The following WDR41 variants were observed in gnomAD, a reference collection of about 807,000 sequenced individuals.
WDR41 encodes the protein WD repeat domain 41.
WDR41 carries 63 observed loss-of-function variants against 69.3 expected under a neutral mutation model. The observed-to-expected ratio is 0.91, with a 90% CI of 0.74 to 1.12. The LOEUF (loss-of-function observed/expected upper bound fraction) is 1.12. WDR41 is among the 50% of genes most tolerant of loss of function. The pLI is 0.00. For missense variants in WDR41, 543 were observed against 534.5 expected (o/e 1.02, Z -0.16); for synonymous variants, 185 against 192.1 (o/e 0.96, Z 0.31).
chr5:77,435,058 G>A (rs3797633), intron 12 of WDR41, among the ~76,000 whole-genome samples: 11,696 of 152,084 alleles, frequency 0.077, 819 homozygotes, highest in African/African-American at 0.19. Flanking sequence ...CCAGCGCTCC[G>A]GCCTAGCCAA....
intron 12 of WDR41, 37 bp downstream of exon 12, chr5:77,436,224 G>A (rs1308841003): frequency 1.3e-6 from 2 of 1,590,132 alleles, no homozygotes; most frequent in African/African-American, 1.3e-5. Flanking sequence ...TGCAAAAGCA[G>A]GAGTTGCTTG....
At chr5:77,563,293 T>A (rs948230557) in intron 1 of WDR41, among the ~76,000 whole-genome samples, 1 of 152,112 alleles carries the variant, frequency 6.6e-6, no homozygotes, top group Non-Finnish European at 1.5e-5. Context: ...ACTTTATATA[T>A]AATTTCTGAT....
chr5:77,441,701 G>A (rs1799174729), intron 8 of WDR41, among the ~76,000 whole-genome samples: 1 of 151,806 alleles, frequency 6.6e-6, no homozygotes, highest in Non-Finnish European at 1.5e-5. Flanking sequence ...TCGCGCCACT[G>A]CACTCCAGCC....
At chr5:77,460,021 G>A (rs779703512) in intron 4 of WDR41, among the ~76,000 whole-genome samples, 1 of 151,968 alleles carries the variant, frequency 6.6e-6, no homozygotes, top group Admixed American at 6.6e-5. Context: ...AAAAAAAAAA[G>A]TCATCTGGCA....
intron 2 of WDR41, among the ~76,000 whole-genome samples, chr5:77,488,705 TTATCTGC>T (rs1210914335): frequency 6.6e-6 from 1 of 152,184 alleles, no homozygotes; most frequent in Admixed American, 6.5e-5. Context: ...CATCTATGAA[TTATCTGC>T]TACATGTAAG....
chr5:77,588,825 G>A (rs1198481726), intron 1 of WDR41, among the ~76,000 whole-genome samples: 1 of 152,030 alleles, frequency 6.6e-6, no homozygotes, highest in Non-Finnish European at 1.5e-5. Flanking sequence ...TTGTTGATTC[G>A]TTAACAATAA....
chr5:77,436,606 T>C (rs1581688809), intron 11 of WDR41, among the ~76,000 whole-genome samples: 2 of 152,164 alleles, frequency 1.3e-5, no homozygotes, highest in African/African-American at 4.8e-5. Flanking sequence ...TTATTGCCCC[T>C]AGTCACCCAC....
intron 1 of WDR41, among the ~76,000 whole-genome samples, chr5:77,555,303 T>C (rs1743371726): frequency 6.6e-6 from 1 of 152,192 alleles, no homozygotes; most frequent in Admixed American, 6.6e-5. Context: ...TACAATTATC[T>C]TTTATTTAAT....
chr5:77,532,191 A>T (rs1802537551), intron 1 of WDR41, among the ~76,000 whole-genome samples: 1 of 152,096 alleles, frequency 6.6e-6, no homozygotes, highest in Non-Finnish European at 1.5e-5. Context: ...AAAAGAAGTT[A>T]ATGATAGAAT....
intron 1 of WDR41, among the ~76,000 whole-genome samples, chr5:77,569,010 T>C (rs1010277165): frequency 6.6e-6 from 1 of 152,194 alleles, no homozygotes; most frequent in African/African-American, 2.4e-5. Flanking sequence ...CCCATCGCTG[T>C]GCCCTGCCTT....
intron 1 of WDR41, among the ~76,000 whole-genome samples, chr5:77,532,621 A>G (rs530263882): frequency 6.6e-6 from 1 of 152,260 alleles, no homozygotes; most frequent in East Asian, 1.9e-4. Flanking sequence ...AACCTTATAT[A>G]ACAGCCAAAA....
intron 1 of WDR41, among the ~76,000 whole-genome samples, chr5:77,597,351 A>G (rs183926969): frequency 1.5e-4 from 23 of 152,290 alleles, no homozygotes; most frequent in Admixed American, 8.5e-4. Context: ...TTGAATATTA[A>G]TGAGTGTTTA....
At chr5:77,507,512 C>T (rs1257317318) in intron 1 of WDR41, among the ~76,000 whole-genome samples, 1 of 152,174 alleles carries the variant, frequency 6.6e-6, no homozygotes, top group Non-Finnish European at 1.5e-5. Context: ...TAAAGCCTTC[C>T]CCACCAAGCC....
At chr5:77,539,018 A>G (rs1437007465) in intron 1 of WDR41, among the ~76,000 whole-genome samples, 1 of 152,190 alleles carries the variant, frequency 6.6e-6, no homozygotes, top group Non-Finnish European at 1.5e-5. Flanking sequence ...CCAGCCTGGT[A>G]GGGGCTCTCT....
intron 2 of WDR41, among the ~76,000 whole-genome samples, chr5:77,466,791 T>C (rs1389293003): frequency 4.6e-5 from 7 of 150,610 alleles, no homozygotes; most frequent in Admixed American, 4.0e-4. Flanking sequence ...TTCTTATATA[T>C]ATTCTATTGC....
intron 2 of WDR41, among the ~76,000 whole-genome samples, chr5:77,488,370 G>A (rs1033059517): frequency 1.3e-5 from 2 of 152,070 alleles, no homozygotes; most frequent in East Asian, 3.8e-4. Flanking sequence ...GGAGGCCAAG[G>A]TGGGAAGACA....
chr5:77,562,919 G>A (rs185235797), intron 1 of WDR41, among the ~76,000 whole-genome samples: 1 of 152,214 alleles, frequency 6.6e-6, no homozygotes, highest in East Asian at 1.9e-4. Flanking sequence ...CAAGAAGTAA[G>A]ATCTTCCGTG....
chr5:77,538,937 G>C (rs1477013311), intron 1 of WDR41, among the ~76,000 whole-genome samples: 66 of 152,266 alleles, frequency 4.3e-4, no homozygotes, highest in Non-Finnish European at 2.9e-5. Context: ...AAATACCATA[G>C]ATTAGGTGGC....
intron 2 of WDR41, among the ~76,000 whole-genome samples, chr5:77,477,284 G>C (rs1476365842): frequency 6.6e-6 from 1 of 150,748 alleles, no homozygotes; most frequent in Non-Finnish European, 1.5e-5. Context: ...AAGCCAACAA[G>C]GATACCCAGG....
Sources: gnomAD v4.1 joint callset for allele counts (sites outside exome capture counted in the v4.1 genomes callset) on GRCh38, gnomAD v4.1.1 for gene constraint, MANE v1.5 for transcripts, NCBI Gene and HGNC (gene_info 2026-07-23, HGNC 2026-07-21) for gene names.